Variants in SYNE1 observed in about 807,000 individuals in gnomAD.
SYNE1 encodes spectrin repeat containing nuclear envelope protein 1.
SYNE1 carries 616 observed loss-of-function variants against 1,111.0 expected under a neutral mutation model. That is an observed-to-expected ratio of 0.55 (90% CI 0.52 to 0.59). The LOEUF (loss-of-function observed/expected upper bound fraction) is 0.59. Ranked by LOEUF, SYNE1 falls within the 20% of genes least tolerant of loss-of-function variation. The pLI, the probability that SYNE1 is intolerant of heterozygous loss-of-function variation, is 0.00. For missense variants in SYNE1, 10,006 were observed against 10,417.0 expected (o/e 0.96, Z 1.72); for synonymous variants, 3,855 against 3,825.8 (o/e 1.01, Z -0.28).
At chr6:152,378,833 T>G (rs1204344419) in intron 56 of SYNE1, among the ~76,000 whole-genome samples, 4 of 152,232 alleles carry the variant, frequency 2.6e-5, no homozygotes. Context: ...ATTGGCTTTA[T>G]GCTTGCGTAT....
intron 139 of SYNE1, among the ~76,000 whole-genome samples, chr6:152,140,941 G>A (rs947585230): frequency 7.2e-5 from 11 of 152,204 alleles, no homozygotes; most frequent in Admixed American, 4.6e-4. Flanking sequence ...AGGCTGAGGC[G>A]GGAGAATGCC....
chr6:152,174,121 A>T (rs1278865019), intron 130 of SYNE1, among the ~76,000 whole-genome samples: 1 of 152,204 alleles, frequency 6.6e-6, no homozygotes, highest in African/African-American at 2.4e-5. Flanking sequence ...TGAGTCACTA[A>T]AAGTAGGAAA....
intron 3 of SYNE1, among the ~76,000 whole-genome samples, chr6:152,622,350 G>A (rs184472960): frequency 1.3e-5 from 2 of 151,944 alleles, no homozygotes; most frequent in East Asian, 1.9e-4. Flanking sequence ...CTTGTTGTAT[G>A]GATTATTTCA....
intron 95 of SYNE1, among the ~76,000 whole-genome samples, chr6:152,290,513 G>A (rs532797825): frequency 3.9e-4 from 60 of 152,180 alleles, no homozygotes; most frequent in African/African-American, 1.3e-3. Context: ...CCAAGATCAC[G>A]TCACTACATT....
At chr6:152,434,078 TA>T (rs1028141919) in intron 33 of SYNE1, 133 bp from the exon 34 acceptor site, 2,741 of 680,162 alleles carry the variant, frequency 4.0e-3, no homozygotes, top group Middle Eastern at 5.8e-3. Flanking sequence ...CTATTCACGC[TA>T]AAAAAAAAAT....
intron 45 of SYNE1, 116 bp downstream of exon 45, chr6:152,406,897 TA>T: frequency 1.4e-6 from 1 of 708,404 alleles, no homozygotes; most frequent in Non-Finnish European, 1.9e-6. Context: ...AATAATAAAA[TA>T]AAATAAAAAA....
At chr6:152,234,102 GC>G (rs2083420484) in intron 111 of SYNE1, 139 bp from the exon 112 acceptor site, 1 of 933,316 alleles carries the variant, frequency 1.1e-6, no homozygotes, top group Non-Finnish European at 1.7e-6. Context: ...GAAAATGAAA[GC>G]AGTACACCCT....
chr6:152,539,907 T>C (rs2099261174), intron 4 of SYNE1, 53 bp downstream of exon 4: 1 of 1,571,030 alleles, frequency 6.4e-7, no homozygotes, highest in Non-Finnish European at 8.8e-7. Flanking sequence ...GGACATTTAA[T>C]GATTTACTGG....
chr6:152,535,554 G>T (rs2099230841), intron 4 of SYNE1, among the ~76,000 whole-genome samples: 1 of 151,912 alleles, frequency 6.6e-6, no homozygotes, highest in Admixed American at 6.6e-5. Flanking sequence ...TTCCTCAAAG[G>T]GCTTAGTGAC....
chr6:152,450,904 A>C, intron 26 of SYNE1, 71 bp from the exon 27 acceptor site: 2 of 1,602,800 alleles, frequency 1.2e-6, no homozygotes, highest in Non-Finnish European at 1.7e-6. Context: ...TCACAGAAAA[A>C]CCAAAGGAAG....
chr6:152,274,957 G>C (rs2093489632), intron 98 of SYNE1, among the ~76,000 whole-genome samples: 1 of 152,144 alleles, frequency 6.6e-6, no homozygotes, highest in Non-Finnish European at 1.5e-5. Context: ...CACAATCATA[G>C]CTCGCTGCAG....
chr6:152,289,846 G>T (rs1047949662), intron 95 of SYNE1, among the ~76,000 whole-genome samples: 77 of 151,584 alleles, frequency 5.1e-4, no homozygotes, highest in Admixed American at 3.7e-3. Flanking sequence ...CAGGATGGTC[G>T]CGATCTCCTG....
At chr6:152,584,883 C>T (rs1201537893) in intron 3 of SYNE1, among the ~76,000 whole-genome samples, 8 of 152,110 alleles carry the variant, frequency 5.3e-5, no homozygotes, top group Non-Finnish European at 1.0e-4. Flanking sequence ...CATAATGTTG[C>T]ATGGTATGAA....
At chr6:152,235,941 C>T (rs568265170) in intron 110 of SYNE1, among the ~76,000 whole-genome samples, 166 bp downstream of exon 110, 1 of 151,994 alleles carries the variant, frequency 6.6e-6, no homozygotes, top group Admixed American at 6.6e-5. Context: ...TGGGGTCTTA[C>T]TATGTTGCCC....
chr6:152,530,958 A>G (rs1445796122), intron 4 of SYNE1, among the ~76,000 whole-genome samples: 1 of 144,622 alleles, frequency 6.9e-6, no homozygotes, highest in Non-Finnish European at 1.5e-5. Flanking sequence ...TGCCTGGGAC[A>G]TGAATCATCC....
chr6:152,323,841 A>G, intron 81 of SYNE1, 104 bp from the exon 82 acceptor site: 1 of 1,329,332 alleles, frequency 7.5e-7, no homozygotes, highest in South Asian at 1.2e-5. Context: ...CCAATTAAAG[A>G]TGATGATATA....
At chr6:152,364,466 T>C (rs144285544) in intron 63 of SYNE1, among the ~76,000 whole-genome samples, 99 of 150,586 alleles carry the variant, frequency 6.6e-4, no homozygotes, top group Middle Eastern at 3.4e-3. Context: ...TTTTTTTTTG[T>C]ATTTTTATGT....
chr6:152,368,955 C>T lies in SYNE1; in HGVS notation c.9807+17G>A, dbSNP rs1423701314. 1.2e-6 allele frequency: 2 copies of T among 1,614,106 alleles called. No homozygotes were observed. The highest frequency in any genetic ancestry group is 2.2e-5 in the East Asian group (1 of 44,882). ...ACATCAGTATCACACTCACACACAG[C>T]ACGTGCCAGGCGTTACCTTTGTTAA... On this transcript the variant is annotated intron_variant, in intron 61 of 145. Coordinates refer to ENST00000367255, the MANE Select transcript of SYNE1 (RefSeq NM_182961.4).
rs561378413 is a variant in SYNE1, at chr6:152,479,873, C to T, written c.1350+3212G>A. Among the ~76,000 whole-genome samples, 9 of 152,210 alleles carry T rather than the reference C, an allele frequency of 5.9e-5. No individual in the cohort carries two copies. In the South Asian group the frequency reaches 1.0e-3, roughly 18 times the overall value. On this transcript the variant is annotated intron_variant, in intron 14 of 145. Transcript: ENST00000367255. ...CAGAACCATTCACAAAGTGAACTCT[C>T]GGAAACACACCTTTAAAAAATGATC...
Sources: allele counts gnomAD v4.1 joint callset (sites outside exome capture counted in the v4.1 genomes callset), GRCh38; gene constraint gnomAD v4.1.1; transcripts MANE v1.5; gene names NCBI Gene and HGNC (gene_info 2026-07-23, HGNC 2026-07-21).